The following GRIP1 variants were observed in gnomAD, a reference collection of about 807,000 sequenced individuals.
GRIP1 encodes the protein glutamate receptor interacting protein 1, also known as glutamate receptor-interacting protein 1.
Under a neutral mutation model 129.9 loss-of-function variants are expected in GRIP1, and 45 were observed. The observed-to-expected ratio is 0.35, with a 90% CI of 0.27 to 0.44. The LOEUF (loss-of-function observed/expected upper bound fraction) is 0.44, where lower values mean the gene tolerates loss of function less well. GRIP1 is among the 20% of genes least tolerant of loss of function. The pLI is 1.00. For missense variants in GRIP1, 1,196 were observed against 1,396.8 expected (o/e 0.86, Z 2.29); for synonymous variants, 530 against 520.8 (o/e 1.02, Z -0.24).
intron 1 of GRIP1, among the ~76,000 whole-genome samples, chr12:66,606,837 T>C (rs1425412076): frequency 2.0e-5 from 3 of 152,160 alleles, no homozygotes; most frequent in South Asian, 2.1e-4. Context: ...TACAATTACA[T>C]AACTTGAAGT....
intron 1 of GRIP1, among the ~76,000 whole-genome samples, chr12:66,739,262 T>A (rs567413994): frequency 1.3e-5 from 2 of 152,300 alleles, no homozygotes; most frequent in Admixed American, 1.3e-4. Context: ...CACAGAACTC[T>A]TATGTCCTAT....
intron 1 of GRIP1, among the ~76,000 whole-genome samples, chr12:66,983,679 C>T (rs757838827): frequency 1.2e-4 from 19 of 152,014 alleles, no homozygotes; most frequent in South Asian, 2.1e-4. Flanking sequence ...TCTATGTTTT[C>T]GAAATAATTC....
intron 13 of GRIP1, among the ~76,000 whole-genome samples, chr12:66,438,807 G>A (rs758651927): frequency 3.3e-5 from 5 of 152,058 alleles, no homozygotes; most frequent in African/African-American, 1.2e-4. Context: ...CATTCACTGA[G>A]TACTGACCAA....
At chr12:66,374,458 G>T (rs1454242274) in intron 22 of GRIP1, among the ~76,000 whole-genome samples, 1 of 152,120 alleles carries the variant, frequency 6.6e-6, no homozygotes, top group African/African-American at 2.4e-5. Context: ...AAAGTGCTGG[G>T]ATTACAGGCC....
At chr12:66,859,961 T>G (rs2040082695) in intron 1 of GRIP1, among the ~76,000 whole-genome samples, 1 of 152,070 alleles carries the variant, frequency 6.6e-6, no homozygotes, top group Non-Finnish European at 1.5e-5. Context: ...CAGGGCTCTG[T>G]TTATATTTCC....
chr12:66,377,638 CTTTT>C (rs3045282), intron 20 of GRIP1, among the ~76,000 whole-genome samples: 2 of 124,604 alleles, frequency 1.6e-5, no homozygotes, highest in Non-Finnish European at 3.3e-5. Context: ...CGCACCCGGC[CTTTT>C]TTTTTTTTTT....
At chr12:67,051,577 A>C (rs2043347093) in intron 1 of GRIP1, among the ~76,000 whole-genome samples, 1 of 152,200 alleles carries the variant, frequency 6.6e-6, no homozygotes, top group Non-Finnish European at 1.5e-5. Flanking sequence ...TTTTGTGTTG[A>C]AAGATTCAGC....
At position 67,033,268 on chromosome 12, in the gene GRIP1, C is replaced by CATGT. The variant is rs551174434; in HGVS notation, c.58+35778_58+35781dup. 9.1e-3 allele frequency among the ~76,000 whole-genome samples: 850 copies of CATGT among 92,984 alleles called. 13 individuals carry two copies. The highest frequency in any genetic ancestry group is 0.029 in the African/African-American group (799 of 27,248). 61.0% of individuals were successfully genotyped at this position (92,984 alleles called of 152,430 possible). ...GTAGGAGACCTGGGATCAAAGACTACATGTATATATATATATATATATATA... is the reference window on the plus strand; with the variant it reads ...GTAGGAGACCTGGGATCAAAGACTACATGTATGTATATATATATATATATATATA... On this transcript the variant is annotated intron_variant, in intron 1 of 1. Coordinates refer to the GRIP1 transcript ENST00000643019.
intron 1 of GRIP1, among the ~76,000 whole-genome samples, chr12:66,822,016 GTGTGTGTATGTGTA>G (rs1269697778): frequency 6.6e-6 from 1 of 151,988 alleles, no homozygotes; most frequent in African/African-American, 2.4e-5. Context: ...GTGTGTGTGT[GTGTGTGTATGTGTA>G]TGTGTGTATG....
At chr12:66,578,287 C>T (rs1365719532) in intron 2 of GRIP1, among the ~76,000 whole-genome samples, 4 of 123,080 alleles carry the variant, frequency 3.2e-5, no homozygotes, top group South Asian at 2.7e-4. Flanking sequence ...CAAAGATGGC[C>T]AAATAGGAAC....
rs888242444 is a variant in GRIP1, at chr12:66,678,955, G to T, written c.-51C>A. 6.2e-6 allele frequency: 10 copies of T among 1,612,310 alleles called. No homozygotes were observed. Among genetic ancestry groups the T allele is most frequent in the Non-Finnish European group, 8.5e-6 (10 of 1,178,878 alleles). On this transcript the variant is annotated 5_prime_UTR_variant, in exon 1 of 25. Coordinates refer to ENST00000359742, the MANE Select transcript of GRIP1 (RefSeq NM_001366722.1). The stretch of plus-strand genomic sequence containing the variant: ...AGTGTACTCAAGGCTCTCTGCTCTG[G>T]TGGCTGCAGCAGCAGCAGCATATGA...
Position 66,617,085 on chromosome 12 carries a change from T to TG in GRIP1, c.56-20159_56-20158insC, listed in dbSNP as rs370300223. On this transcript the variant is annotated intron_variant, in intron 1 of 24. Coordinates refer to ENST00000359742, the MANE Select transcript of GRIP1 (RefSeq NM_001366722.1). ...AGCAACTTGACAAGCAACAGACGTT[T>TG]TGTGTGTGTGTGTGTGTGTGTGTGT... is the stretch of plus-strand genomic sequence containing the variant. Among the ~76,000 whole-genome samples the TG allele has an allele frequency of 6.5e-3, 879 of 135,506 alleles. 9 individuals carry two copies. Among genetic ancestry groups the TG allele is most frequent in the African/African-American group, 0.012 (417 of 34,954 alleles). 88.9% of individuals were successfully genotyped at this position (135,506 alleles called of 152,430 possible). A position where few individuals can be genotyped will look rare whatever the true frequency, so the allele number is the denominator to read the frequency against.
At chr12:66,898,984 T>C (rs963603080) in intron 1 of GRIP1, among the ~76,000 whole-genome samples, 3 of 152,120 alleles carry the variant, frequency 2.0e-5, no homozygotes, top group Non-Finnish European at 2.9e-5. Context: ...TGTGACAGCA[T>C]CAGTATCTTC....
chr12:66,939,874 AC>A (rs980604610), intron 1 of GRIP1, among the ~76,000 whole-genome samples: 10 of 152,320 alleles, frequency 6.6e-5, no homozygotes, highest in African/African-American at 2.4e-4. Flanking sequence ...TTTATATAAA[AC>A]AAAATGTGCA....
chr12:66,427,349 T>C (rs2058019639), intron 14 of GRIP1, among the ~76,000 whole-genome samples: 1 of 152,032 alleles, frequency 6.6e-6, no homozygotes, highest in Non-Finnish European at 1.5e-5. Flanking sequence ...GTGTTCAAGC[T>C]ACTGTCTTTT....
At chr12:66,939,459 G>A (rs886695419) in intron 1 of GRIP1, among the ~76,000 whole-genome samples, 1 of 152,150 alleles carries the variant, frequency 6.6e-6, no homozygotes, top group Non-Finnish European at 1.5e-5. Context: ...AAAGTAGCAG[G>A]AGAGGTAAGT....
intron 1 of GRIP1, among the ~76,000 whole-genome samples, chr12:67,034,103 T>C (rs928086837): frequency 1.8e-4 from 27 of 152,340 alleles, no homozygotes; most frequent in Admixed American, 6.5e-5. Context: ...TTTTCCTATA[T>C]GTTTTCAGGC....
chr12:66,689,191 C>T (rs928001560), intron 1 of GRIP1, among the ~76,000 whole-genome samples: 8 of 152,182 alleles, frequency 5.3e-5, no homozygotes, highest in African/African-American at 1.9e-4. Flanking sequence ...TGGGATCCCT[C>T]TAAGTTCTTA....
chr12:66,542,743 C>T (rs1029129895), intron 2 of GRIP1, among the ~76,000 whole-genome samples: 2 of 152,160 alleles, frequency 1.3e-5, no homozygotes, highest in African/African-American at 2.4e-5. Context: ...TCAATATTTA[C>T]CTTCCAGAGG....
Sources: allele counts gnomAD v4.1 joint callset (sites outside exome capture counted in the v4.1 genomes callset), GRCh38; gene constraint gnomAD v4.1.1; transcripts MANE v1.5; gene names NCBI Gene and HGNC (gene_info 2026-07-23, HGNC 2026-07-21).